Variants in OPCML observed in about 807,000 individuals in gnomAD.
The protein encoded by OPCML is opioid binding protein/cell adhesion molecule like.
In OPCML, 13 loss-of-function variants were observed where a neutral mutation model predicts 37.8. That is an observed-to-expected ratio of 0.34 (90% CI 0.22 to 0.55). The LOEUF is 0.55. OPCML is among the 20% of genes least tolerant of loss of function. OPCML has a pLI of 0.91. For synonymous variants in OPCML, 176 were observed against 168.8 expected (o/e 1.04, Z -0.33); for missense variants, 341 against 435.6 (o/e 0.78, Z 1.93).
In OPCML at chr11:133,173,785, C is replaced by T. The variant is rs1010035210; in HGVS notation, c.62-230775G>A. ...AATAGAATTACGTTTTTCTCTTTTT[C>T]CCCATCCCAGCTTCCATAGCAATAC... On this transcript the variant is annotated intron_variant, in intron 1 of 7. Transcript: ENST00000524381. The surrounding 1 kb of genome is among the most constrained non-coding windows in gnomAD (Gnocchi z 7.8). Among the ~76,000 whole-genome samples the T allele has an allele frequency of 1.3e-5, 2 of 152,180 alleles. No homozygotes were observed. Among genetic ancestry groups the T allele is most frequent in the African/African-American group, 4.8e-5 (2 of 41,454 alleles).
At chr11:133,420,864 A>C in intron 1 of OPCML, 60 of 985,448 alleles carry the variant, frequency 6.1e-5, no homozygotes, top group Non-Finnish European at 7.1e-5. Context: ...TGGCAGTTAC[A>C]AGTTCCATTT....
At chr11:133,193,662 C>T (rs954475804) in intron 1 of OPCML, among the ~76,000 whole-genome samples, 5 of 152,076 alleles carry the variant, frequency 3.3e-5, no homozygotes, top group African/African-American at 1.2e-4. Flanking sequence ...TTGTATACTG[C>T]TGAGCCCACT....
rs1190712628 is a variant in OPCML at position 133,055,213 on chromosome 11, AGGG to A, written c.62-112206_62-112204del. On this transcript the variant is annotated intron_variant, in intron 1 of 7. Coordinates refer to ENST00000524381, the MANE Select transcript of OPCML (RefSeq NM_001012393.5). ...TACTTCCAAGTGGTGAGACTCCATG[AGGG>A]AGCCACCTCTACCATATAATGCTGC... Among the ~76,000 whole-genome samples, 301 of 145,542 alleles carry A rather than the reference AGGG, an allele frequency of 2.1e-3. 1 individual carries two copies. Among genetic ancestry groups the A allele is most frequent in the Non-Finnish European group, 2.4e-3 (157 of 66,386 alleles).
chr11:132,917,400 T>C (rs979294724), intron 2 of OPCML, among the ~76,000 whole-genome samples: 1 of 146,856 alleles, frequency 6.8e-6, no homozygotes, highest in Non-Finnish European at 1.5e-5. Context: ...TATGCTCTGG[T>C]TCACTCTGGA....
intron 4 of OPCML, among the ~76,000 whole-genome samples, chr11:132,441,455 A>G (rs1242648911): frequency 1.3e-5 from 2 of 152,092 alleles, no homozygotes; most frequent in African/African-American, 4.8e-5. Flanking sequence ...GGCGTGAGCC[A>G]CCGCGCCCGG....
chr11:132,990,991 T>C (rs2136818059), intron 1 of OPCML, among the ~76,000 whole-genome samples: 1 of 152,288 alleles, frequency 6.6e-6, no homozygotes, highest in East Asian at 1.9e-4. Context: ...TATTGCCCCA[T>C]AGAGGAATCA....
At chr11:132,705,427 C>CA (rs924068870) in intron 2 of OPCML, among the ~76,000 whole-genome samples, 5 of 151,434 alleles carry the variant, frequency 3.3e-5, no homozygotes, top group East Asian at 2.0e-4. Flanking sequence ...CCCATGACTA[C>CA]AAAAAAAATA....
chr11:132,907,841 TC>T (rs1565954326), intron 2 of OPCML, among the ~76,000 whole-genome samples: 1 of 152,026 alleles, frequency 6.6e-6, no homozygotes, highest in Admixed American at 6.5e-5. Context: ...TTACACGGTT[TC>T]CTTCCCCACT....
intron 4 of OPCML, among the ~76,000 whole-genome samples, chr11:132,494,792 T>C (rs1039115990): frequency 6.6e-6 from 1 of 152,206 alleles, no homozygotes; most frequent in African/African-American, 2.4e-5. Flanking sequence ...CTTTCCTCCA[T>C]GTCAACACAA....
chr11:132,984,174 T>C (rs1330888835), intron 1 of OPCML, among the ~76,000 whole-genome samples: 1 of 152,224 alleles, frequency 6.6e-6, no homozygotes, highest in Non-Finnish European at 1.5e-5. Flanking sequence ...TCCAGTATGC[T>C]ATGCCACCAT....
intron 4 of OPCML, among the ~76,000 whole-genome samples, chr11:132,445,293 C>T (rs1366332678): frequency 6.6e-6 from 1 of 152,148 alleles, no homozygotes; most frequent in Admixed American, 6.5e-5. Context: ...CCCTTCCATG[C>T]ATGTGTGAGA....
chr11:133,359,082 C>T (rs1030844523), intron 1 of OPCML, among the ~76,000 whole-genome samples: 1 of 152,180 alleles, frequency 6.6e-6, no homozygotes, highest in Admixed American at 6.5e-5. Context: ...GAAAAGAGAA[C>T]TTAACTTACG....
chr11:132,670,145 T>C (rs1464091374), intron 2 of OPCML, among the ~76,000 whole-genome samples: 5 of 152,164 alleles, frequency 3.3e-5, no homozygotes, highest in Non-Finnish European at 4.4e-5. Flanking sequence ...TATCCTGACA[T>C]ATTTACTCAC....
At chr11:132,541,120 C>A (rs1396497387) in intron 3 of OPCML, among the ~76,000 whole-genome samples, 1 of 152,218 alleles carries the variant, frequency 6.6e-6, no homozygotes, top group Admixed American at 6.5e-5. Flanking sequence ...TGGTTCCAGT[C>A]CCAGTTCTGT....
At chr11:133,232,978 A>G (rs964698889) in intron 1 of OPCML, among the ~76,000 whole-genome samples, 2 of 152,210 alleles carry the variant, frequency 1.3e-5, no homozygotes, top group Non-Finnish European at 2.9e-5. Context: ...CCAGCTAAAT[A>G]ACACCTGCTT....
intron 1 of OPCML, among the ~76,000 whole-genome samples, chr11:132,977,990 G>A (rs1946500868): frequency 6.6e-6 from 1 of 152,170 alleles, no homozygotes; most frequent in South Asian, 2.1e-4. Flanking sequence ...TGTGGAAAAT[G>A]TAAGAGCTGC....
At chr11:132,474,029 G>A (rs2096146570) in intron 4 of OPCML, among the ~76,000 whole-genome samples, 2 of 152,194 alleles carry the variant, frequency 1.3e-5, no homozygotes, top group Admixed American at 6.5e-5. Context: ...CCTGGAACAC[G>A]TAGCAGGAAG....
rs76642017 is a variant in OPCML, at chr11:132,783,544, T to C, written c.147-126225A>G. Among the ~76,000 whole-genome samples, 313 of 152,324 alleles carry C rather than the reference T, an allele frequency of 2.1e-3. 11 individuals are homozygous for C. The East Asian group carries it at 0.052, about 25-fold the overall frequency. On this transcript the variant is annotated intron_variant, in intron 2 of 7. Transcript: ENST00000524381. Reference sequence around the variant, plus strand: ...GTTAATGTCTATCAACTAATACTTTTTGGAGTTTCCTTTCTACTAAATTCT... The same window carrying C: ...GTTAATGTCTATCAACTAATACTTTCTGGAGTTTCCTTTCTACTAAATTCT...
At chr11:132,855,794 G>T (rs971166695) in intron 2 of OPCML, among the ~76,000 whole-genome samples, 4 of 152,164 alleles carry the variant, frequency 2.6e-5, no homozygotes, top group Non-Finnish European at 4.4e-5. Context: ...GCTTTATGCT[G>T]TTGTGTTTAG....
Sources: gnomAD v4.1 joint callset for allele counts (sites outside exome capture counted in the v4.1 genomes callset) on GRCh38, gnomAD v4.1.1 for gene constraint, Gnocchi (gnomAD v3.1) non-coding constraint, MANE v1.5 for transcripts, NCBI Gene and HGNC (gene_info 2026-07-23, HGNC 2026-07-21) for gene names.